ARB2A: variants seen among roughly 807,000 people sequenced by gnomAD.
ARB2A encodes the protein cotranscriptional regulator ARB2A.
the ARB2A span, among the ~76,000 whole-genome samples, chr5:93,929,427 T>A: frequency 6.6e-6 from 1 of 152,104 alleles, no homozygotes; most frequent in Non-Finnish European, 1.5e-5. Flanking sequence ...AATCTAAAAT[T>A]CTGCATGCAA....
chr5:93,670,013 A>T, the ARB2A span, among the ~76,000 whole-genome samples: 1 of 151,980 alleles, frequency 6.6e-6, no homozygotes, highest in East Asian at 1.9e-4. Flanking sequence ...CTTCTCCTAG[A>T]CTTCCTTATC....
the ARB2A span, among the ~76,000 whole-genome samples, chr5:93,713,243 G>A: frequency 6.6e-6 from 1 of 151,958 alleles, no homozygotes; most frequent in East Asian, 1.9e-4. Flanking sequence ...GCACAGATAA[G>A]GAAACAATCA....
the ARB2A span, among the ~76,000 whole-genome samples, chr5:93,956,152 C>T: frequency 6.6e-6 from 1 of 152,164 alleles, no homozygotes; most frequent in African/African-American, 2.4e-5. Flanking sequence ...CCAACATGAA[C>T]TCTTAATACA....
chr5:94,007,875 C>G, the ARB2A span, among the ~76,000 whole-genome samples: 2 of 152,134 alleles, frequency 1.3e-5, no homozygotes, highest in Non-Finnish European at 2.9e-5. Flanking sequence ...GTCAGTACCC[C>G]CCTGCAACTG....
chr5:93,901,640 G>C, the ARB2A span, among the ~76,000 whole-genome samples: 1 of 152,088 alleles, frequency 6.6e-6, no homozygotes, highest in Non-Finnish European at 1.5e-5. Flanking sequence ...TCTATGACTA[G>C]ACTGTCTAGT....
chr5:93,736,069 C>G, the ARB2A span: 1 of 152,084 alleles, frequency 6.6e-6, no homozygotes, highest in Non-Finnish European at 1.5e-5. Flanking sequence ...CATTTCCACA[C>G]TTTTTATCCA....
chr5:93,675,048 A>G, the ARB2A span, among the ~76,000 whole-genome samples: 1 of 152,222 alleles, frequency 6.6e-6, no homozygotes, highest in Non-Finnish European at 1.5e-5. Flanking sequence ...AGTACAGTTT[A>G]GTATATTTTC....
At chr5:93,899,239 C>T in the ARB2A span, among the ~76,000 whole-genome samples, 1 of 151,988 alleles carries the variant, frequency 6.6e-6, no homozygotes, top group Non-Finnish European at 1.5e-5. Context: ...CATTTGGTAT[C>T]CATTAGCTAA....
the ARB2A span, among the ~76,000 whole-genome samples, chr5:93,893,966 C>T: frequency 6.6e-6 from 1 of 152,168 alleles, no homozygotes; most frequent in Non-Finnish European, 1.5e-5. Context: ...CTAATAGGCA[C>T]TCAGCAGCTA....
the ARB2A span, among the ~76,000 whole-genome samples, chr5:93,850,995 T>C: frequency 6.6e-6 from 1 of 152,058 alleles, no homozygotes; most frequent in African/African-American, 2.4e-5. Flanking sequence ...TTGGTTCTTC[T>C]TCTTTTTATT....
the ARB2A span, among the ~76,000 whole-genome samples, chr5:93,825,058 T>G: frequency 6.6e-6 from 1 of 152,212 alleles, no homozygotes; most frequent in African/African-American, 2.4e-5. Flanking sequence ...GGTAAAGCCA[T>G]GTTTCATCTC....
At chr5:93,938,604 C>T in the ARB2A span, among the ~76,000 whole-genome samples, 3 of 152,148 alleles carry the variant, frequency 2.0e-5, no homozygotes, top group Admixed American at 2.0e-4. Context: ...AAGTTATCCT[C>T]CACCCAAGAG....
chr5:93,652,839 A>G, the ARB2A span, among the ~76,000 whole-genome samples: 1 of 152,200 alleles, frequency 6.6e-6, no homozygotes, highest in South Asian at 2.1e-4. Flanking sequence ...TTACTTTAAA[A>G]ACACACTTTG....
the ARB2A span, among the ~76,000 whole-genome samples, chr5:93,760,137 C>G: frequency 6.6e-6 from 1 of 152,110 alleles, no homozygotes. Context: ...GAACTCAACC[C>G]CTTTTAAAAT....
At chr5:93,707,576 CTT>C in the ARB2A span, among the ~76,000 whole-genome samples, 8 of 138,020 alleles carry the variant, frequency 5.8e-5, no homozygotes, top group Non-Finnish European at 7.9e-5. Flanking sequence ...TTTTTTCTTT[CTT>C]TTTTTTTTTT....
At chr5:93,698,704 G>A in the ARB2A span, among the ~76,000 whole-genome samples, 1 of 152,174 alleles carries the variant, frequency 6.6e-6, no homozygotes, top group African/African-American at 2.4e-5. Context: ...TCTAATATTT[G>A]TGATATTTCT....
chr5:94,025,190 A>G, the ARB2A span, among the ~76,000 whole-genome samples: 9 of 152,226 alleles, frequency 5.9e-5, no homozygotes, highest in African/African-American at 2.2e-4. Flanking sequence ...TGCCATAACA[A>G]AATACCAGGT....
chr5:94,077,326 T>C, the ARB2A span, among the ~76,000 whole-genome samples: 1 of 149,970 alleles, frequency 6.7e-6, no homozygotes, highest in Middle Eastern at 3.4e-3. Flanking sequence ...TGAGCCAAGA[T>C]CACACCACTG....
At chr5:93,724,067 A>G in the ARB2A span, among the ~76,000 whole-genome samples, 1 of 152,066 alleles carries the variant, frequency 6.6e-6, no homozygotes, top group Non-Finnish European at 1.5e-5. Flanking sequence ...AATGAAACAT[A>G]AGATTTCTTC....
Sources: gnomAD v4.1 joint callset for allele counts (sites outside exome capture counted in the v4.1 genomes callset) on GRCh38, gnomAD v4.1.1 for gene constraint, MANE v1.5 for transcripts, NCBI Gene and HGNC (gene_info 2026-07-23, HGNC 2026-07-21) for gene names.